Variants in CCPG1 observed in about 807,000 individuals in gnomAD.
CCPG1 encodes cell cycle progression 1.
A neutral mutation model predicts 81.3 loss-of-function variants in CCPG1; 46 were observed. The observed-to-expected ratio is 0.57, with a 90% confidence interval of 0.45 to 0.72. The LOEUF is 0.72. Ranked by LOEUF, CCPG1 falls within the 30% of genes least tolerant of loss-of-function variation. CCPG1 has a pLI of 0.00. For missense variants in CCPG1, 902 were observed against 937.6 expected, an observed-to-expected ratio of 0.96 and a Z score of 0.50; for synonymous variants, 330 against 305.2, an observed-to-expected ratio of 1.08 and a Z score of -0.85.
At chr15:55,372,238 A>C (rs1268301194) in intron 5 of CCPG1, 194 bp from the exon 6 acceptor site, 1 of 596,240 alleles carries the variant, frequency 1.7e-6, no homozygotes, top group Non-Finnish European at 3.0e-6. Flanking sequence ...AAAGCATTTC[A>C]AATGTGATAC....
intron 3 of CCPG1, among the ~76,000 whole-genome samples, chr15:55,384,231 C>T (rs141725431): frequency 2.0e-5 from 3 of 152,148 alleles, no homozygotes; most frequent in Non-Finnish European, 4.4e-5. Context: ...GCAGTCAGAA[C>T]ACACACATTT....
chr15:55,373,725 G>C (rs1252593460), intron 5 of CCPG1, among the ~76,000 whole-genome samples: 2 of 152,212 alleles, frequency 1.3e-5, no homozygotes, highest in Non-Finnish European at 2.9e-5. Context: ...ATCATGGTTA[G>C]AGTATTTAAG....
chr15:55,383,326 A>G (rs2056738706), intron 3 of CCPG1, among the ~76,000 whole-genome samples: 1 of 152,230 alleles, frequency 6.6e-6, no homozygotes, highest in South Asian at 2.1e-4. Context: ...TTGTAAACAC[A>G]TGGCTGTCAC....
At chr15:55,383,069 C>G (rs1029275510) in intron 3 of CCPG1, among the ~76,000 whole-genome samples, 2 of 152,208 alleles carry the variant, frequency 1.3e-5, no homozygotes, top group Non-Finnish European at 2.9e-5. Context: ...ATAGCAGCTA[C>G]AGCCTTACAA....
Position 55,360,008 on chromosome 15 carries a change from G to C in CCPG1, c.1765C>G (p.Gln589Glu), listed in dbSNP as rs761139198. 6.2e-7 allele frequency: 1 copy of C among 1,612,972 alleles called. No homozygotes were observed. Among genetic ancestry groups the C allele is most frequent in the South Asian group, 1.1e-5 (1 of 90,900 alleles). ...GGCTTTTCTTTCCTTCCATCATTTT[G>C]CATAGTAGGGCCTCTATTATGATGG... Reference protein sequence around the residue: ...ENHHNRGPTMQNDGRKEKPVH... With the variant: ...ENHHNRGPTMENDGRKEKPVH... The change falls in exon 8 of 9, where the codon CAA becomes GAA. Residue 589 changes from glutamine (Q) to glutamate (E), a missense_variant. Physicochemically the swap from Gln to Glu is conservative, Grantham distance 29 (BLOSUM62 2). Transcript: ENST00000442196.
In CCPG1 at chr15:55,360,013, G is replaced by C. The variant is rs777099590; in HGVS notation, c.1760C>G (p.Thr587Ser). The change falls in exon 8 of 9, where the codon ACT becomes AGT. Residue 587 changes from threonine (T) to serine (S), a missense_variant. Physicochemically the swap from Thr to Ser is moderately conservative, Grantham distance 58. Coordinates refer to ENST00000442196, the MANE Select transcript of CCPG1 (RefSeq NM_001204450.2). ...PTENHHNRGP[T>S]MQNDGRKEKP... ...TTCTTTCCTTCCATCATTTTGCATA[G>C]TAGGGCCTCTATTATGATGGTTTTC... The C allele has an allele frequency of 1.2e-6, 2 of 1,613,330 alleles. No homozygotes were observed. Among genetic ancestry groups the C allele is most frequent in the Non-Finnish European group, 1.7e-6 (2 of 1,179,862 alleles).
In CCPG1 at chr15:55,356,169, A is replaced by C; in HGVS notation, c.*51T>G. The stretch of plus-strand genomic sequence containing the variant: ...CATTAGTTTCAATACCAAACATTAT[A>C]CAAAGCATAAATTTTTCTCTTACAG... On this transcript the variant is annotated 3_prime_UTR_variant, in exon 9 of 9. Transcript: ENST00000442196. 7.4e-7 allele frequency: 1 copy of C among 1,360,044 alleles called. No homozygotes were observed. Among genetic ancestry groups the C allele is most frequent in the Non-Finnish European group, 9.9e-7 (1 of 1,008,578 alleles). 84.2% of individuals were successfully genotyped at this position (1,360,044 alleles called of 1,614,324 possible).
intron 5 of CCPG1, among the ~76,000 whole-genome samples, chr15:55,376,705 G>C (rs1376347670): frequency 6.6e-6 from 1 of 152,118 alleles, no homozygotes; most frequent in Non-Finnish European, 1.5e-5. Flanking sequence ...AAATCTCACT[G>C]AAGCAATTTT....
chr15:55,367,014 A>G (rs991734378), intron 6 of CCPG1, among the ~76,000 whole-genome samples: 3 of 152,236 alleles, frequency 2.0e-5, no homozygotes, highest in Non-Finnish European at 4.4e-5. Flanking sequence ...TATAAAAATT[A>G]TTTTAAATGT....
chr15:55,397,331 C>T (rs1029664995), intron 1 of CCPG1, among the ~76,000 whole-genome samples: 14 of 152,050 alleles, frequency 9.2e-5, no homozygotes, highest in Admixed American at 4.6e-4. Flanking sequence ...TTTAGCTTTA[C>T]ACTCTGAGAA....
intron 1 of CCPG1, among the ~76,000 whole-genome samples, chr15:55,403,779 A>G (rs2057168152): frequency 1.3e-5 from 2 of 152,256 alleles, no homozygotes; most frequent in Admixed American, 6.5e-5. Flanking sequence ...CATCTTCACC[A>G]CAAAGAAACA....
rs370654513 is a variant in CCPG1, at chr15:55,377,395, G to GAGA, written c.253-248_253-246dup. 3.0e-3 allele frequency among the ~76,000 whole-genome samples: 458 copies of GAGA among 152,300 alleles called. 3 individuals are homozygous for GAGA. Among genetic ancestry groups the GAGA allele is most frequent in the South Asian group, 0.01 (49 of 4,824 alleles). ...ATTCTCCTAGTGGGCTGCAGAAGCT[G>GAGA]AGAAGCCCATCTTTGCCCCCTCAAT... On this transcript the variant is annotated intron_variant, in intron 4 of 8. Coordinates refer to ENST00000442196, the MANE Select transcript of CCPG1 (RefSeq NM_001204450.2).
chr15:55,374,316 AG>A, intron 5 of CCPG1: 2 of 810,524 alleles, frequency 2.5e-6, no homozygotes, highest in Non-Finnish European at 1.7e-6. Context: ...AAGAAAAAAA[AG>A]AATTAAAAAT....
In CCPG1 at chr15:55,389,444, A is replaced by C. The variant is rs2056869929; in HGVS notation, c.-9-11T>G. 1.9e-6 allele frequency: 3 copies of C among 1,584,258 alleles called. No homozygotes were observed. The highest frequency in any genetic ancestry group is 2.6e-6 in the Non-Finnish European group (3 of 1,153,012). ...AGACATCTTTCAGGTCTACAAATACAAAAACATATTGACTCATGAGACACA... is the reference window on the plus strand; with the variant it reads ...AGACATCTTTCAGGTCTACAAATACCAAAACATATTGACTCATGAGACACA... On this transcript the variant is annotated splice_polypyrimidine_tract_variant and intron_variant, in intron 1 of 8. Transcript: ENST00000442196.
intron 6 of CCPG1, among the ~76,000 whole-genome samples, chr15:55,367,267 C>T (rs1434735799): frequency 2.6e-5 from 4 of 152,160 alleles, no homozygotes; most frequent in African/African-American, 9.7e-5. Flanking sequence ...TTTCAAACTG[C>T]TGAGATTAAT....
chr15:55,361,704 C>CA (rs11371667), intron 7 of CCPG1, among the ~76,000 whole-genome samples: 26,805 of 139,482 alleles, frequency 0.19, 4,182 homozygotes, highest in African/African-American at 0.44. Flanking sequence ...GACTCTGTCT[C>CA]AAAAAAAAAA....
intron 6 of CCPG1, among the ~76,000 whole-genome samples, chr15:55,366,848 T>A (rs1306996076): frequency 6.6e-6 from 1 of 152,150 alleles, no homozygotes; most frequent in Admixed American, 6.5e-5. Context: ...TACTCAGACA[T>A]GCTATTCACA....
At position 55,360,892 on chromosome 15, in the gene CCPG1, ATCT is replaced by A. The variant is rs758024037; in HGVS notation, c.878_880del (p.Lys293del). ...GTTCGTTTTCTGAGTTTCAAAGGAC[ATCT>A]TCTCTGCTTCAGTAAGTGTCCAACA... is the stretch of plus-strand genomic sequence containing the variant. On this transcript the variant is annotated inframe_deletion, in exon 8 of 9. Transcript: ENST00000442196. The A allele has an allele frequency of 3.3e-5, 53 of 1,597,444 alleles. No homozygotes were observed. The East Asian group carries it at 1.1e-3, about 33-fold the overall frequency.
rs574032847 is a variant in CCPG1, at chr15:55,376,977, G to C, written c.426C>G (p.Ser142Arg). The C allele has an allele frequency of 1.2e-6, 2 of 1,613,310 alleles. No individual in the cohort carries two copies. Among genetic ancestry groups the C allele is most frequent in the South Asian group, 2.2e-5 (2 of 91,072 alleles). ...EDFNMGSSSSSQYTFCQPETV... is the reference protein window; with the variant it reads ...EDFNMGSSSSRQYTFCQPETV... The stretch of plus-strand genomic sequence containing the variant: ...TTTCTGGCTGACAGAAAGTATACTG[G>C]CTGCTAGAGGAAGAGCCCATGTTAA... Residue 142 changes from serine to arginine, a missense_variant, in exon 5 of 9, where the codon AGC becomes AGG. Around this residue, in one of 3 missense-constraint regions of CCPG1, gnomAD observed 746 missense variants for 728.6 expected, o/e 1.02. Coordinates refer to ENST00000442196, the MANE Select transcript of CCPG1 (RefSeq NM_001204450.2).
Sources: allele counts gnomAD v4.1 joint callset (sites outside exome capture counted in the v4.1 genomes callset), GRCh38; gene constraint gnomAD v4.1.1; regional missense constraint gnomAD v4.1.1; transcripts MANE v1.5; gene names NCBI Gene and HGNC (gene_info 2026-07-23, HGNC 2026-07-21).